The following UNC13C variants were observed in gnomAD, a reference collection of about 807,000 sequenced individuals.
UNC13C encodes the protein protein unc-13 homolog C.
A neutral mutation model predicts 245.4 loss-of-function variants in UNC13C; 174 were observed. That is an observed-to-expected ratio of 0.71 (90% confidence interval 0.63 to 0.80). The LOEUF (loss-of-function observed/expected upper bound fraction) is 0.80. Among genes scored for constraint, UNC13C ranks in the 30% least tolerant of loss-of-function variants. UNC13C has a pLI of 0.00. For missense variants in UNC13C, 2,829 were observed against 2,602.9 expected (o/e 1.09, Z -1.89); for synonymous variants, 992 against 895.1 (o/e 1.11, Z -1.93).
At chr15:53,926,233 C>T in the UNC13C span, among the ~76,000 whole-genome samples, 1 of 151,708 alleles carries the variant, frequency 6.6e-6, no homozygotes, top group African/African-American at 2.4e-5. Context: ...ACAAAATAGT[C>T]ATCTTCAAGG....
chr15:54,211,405 T>C (rs539757677), intron 4 of UNC13C, among the ~76,000 whole-genome samples: 107 of 152,236 alleles, frequency 7.0e-4, no homozygotes, highest in Middle Eastern at 3.4e-3. Flanking sequence ...AGTTGTGTGC[T>C]GGTAAATGTT....
intron 24 of UNC13C, among the ~76,000 whole-genome samples, chr15:54,521,652 A>G (rs1566885830): frequency 6.6e-6 from 1 of 152,342 alleles, no homozygotes; most frequent in Non-Finnish European, 1.5e-5. Context: ...ATTCTTCTGA[A>G]CCAAACAAAT....
intron 24 of UNC13C, 72 bp downstream of exon 24, chr15:54,511,902 A>G (rs892111961): frequency 1.8e-6 from 2 of 1,107,490 alleles, no homozygotes; most frequent in East Asian, 2.6e-5. Flanking sequence ...TCTTGCTATG[A>G]AAGTGTCTTA....
chr15:54,370,816 T>A (rs567422), intron 17 of UNC13C, among the ~76,000 whole-genome samples: 151,804 of 152,206 alleles, frequency 1, 75,716 homozygotes, highest in Middle Eastern at 1. Context: ...AGCTATTTTT[T>A]AAAATCTCAA....
At chr15:54,297,600 C>T (rs2037470057) in intron 11 of UNC13C, among the ~76,000 whole-genome samples, 3 of 152,196 alleles carry the variant, frequency 2.0e-5, no homozygotes, top group African/African-American at 7.2e-5. Context: ...GTGGTCCTCC[C>T]ACCTTGGCTT....
chr15:54,611,843 T>C (rs907054299), intron 30 of UNC13C, among the ~76,000 whole-genome samples: 3 of 152,150 alleles, frequency 2.0e-5, no homozygotes, highest in Non-Finnish European at 4.4e-5. Flanking sequence ...GCTTGTGTTA[T>C]ATTTTTTGTA....
intron 20 of UNC13C, among the ~76,000 whole-genome samples, chr15:54,499,697 G>C (rs1894111897): frequency 6.6e-6 from 1 of 152,130 alleles, no homozygotes; most frequent in Admixed American, 6.6e-5. Context: ...CCCACGATCG[G>C]TTACAGATTA....
intron 18 of UNC13C, among the ~76,000 whole-genome samples, chr15:54,409,924 A>AT (rs1416351720): frequency 2.6e-5 from 4 of 152,130 alleles, no homozygotes; most frequent in Middle Eastern, 3.2e-3. Context: ...TGGTAGTTGT[A>AT]TTTTACGTTC....
At chr15:54,617,965 C>G (rs140927264) in intron 30 of UNC13C, among the ~76,000 whole-genome samples, 1,536 of 152,124 alleles carry the variant, frequency 0.01, 20 homozygotes, top group African/African-American at 0.034. Flanking sequence ...TTGTCAGAAA[C>G]CTAAGCAATT....
chr15:54,047,956 C>T (rs560055859), intron 2 of UNC13C, among the ~76,000 whole-genome samples: 13 of 152,038 alleles, frequency 8.6e-5, no homozygotes, highest in African/African-American at 2.6e-4. Context: ...GTAAGTATAC[C>T]GTAATATTTT....
chr15:54,321,031 A>C, intron 13 of UNC13C: 2 of 458,272 alleles, frequency 4.4e-6, no homozygotes, highest in Non-Finnish European at 8.5e-6. Flanking sequence ...CGTTTCCTCC[A>C]TGACCAAAGT....
chr15:54,429,304 G>T (rs888301354), intron 19 of UNC13C, among the ~76,000 whole-genome samples: 5 of 151,792 alleles, frequency 3.3e-5, no homozygotes, highest in Non-Finnish European at 5.9e-5. Flanking sequence ...TATTGTGATT[G>T]AAAGAGCAAT....
intron 24 of UNC13C, among the ~76,000 whole-genome samples, chr15:54,515,606 G>A (rs1894936507): frequency 6.6e-6 from 1 of 152,122 alleles, no homozygotes; most frequent in South Asian, 2.1e-4. Flanking sequence ...TAAAGAACTT[G>A]TGTTATGATC....
chr15:54,294,318 T>C (rs2037376262), intron 11 of UNC13C, among the ~76,000 whole-genome samples: 1 of 152,136 alleles, frequency 6.6e-6, no homozygotes, highest in South Asian at 2.1e-4. Flanking sequence ...AGAAAAATGT[T>C]ATTGCATTCT....
At chr15:54,573,349 C>G (rs903794428) in intron 30 of UNC13C, among the ~76,000 whole-genome samples, 3 of 152,064 alleles carry the variant, frequency 2.0e-5, no homozygotes, top group Non-Finnish European at 2.9e-5. Flanking sequence ...AATTTATGAG[C>G]CAAATAATTC....
chr15:54,153,979 TG>T (rs752222442), intron 4 of UNC13C, among the ~76,000 whole-genome samples: 4 of 152,066 alleles, frequency 2.6e-5, no homozygotes, highest in Non-Finnish European at 5.9e-5. Flanking sequence ...TCATATAACA[TG>T]TAATAATTAA....
chr15:53,976,475 C>T (rs866311221), upstream of UNC13C, among the ~76,000 whole-genome samples: 1,703 of 63,676 alleles, frequency 0.027, 36 homozygotes, highest in Admixed American at 0.037. Context: ...CTCTCTCTCT[C>T]TCTTTTTTTT....
intron 2 of UNC13C, among the ~76,000 whole-genome samples, chr15:54,067,627 T>C (rs1379230208): frequency 2.6e-5 from 4 of 152,220 alleles, no homozygotes; most frequent in Non-Finnish European, 4.4e-5. Flanking sequence ...GATAGATATA[T>C]ATTTATGAGT....
intron 2 of UNC13C, among the ~76,000 whole-genome samples, chr15:54,038,780 A>G (rs1896695507): frequency 6.6e-6 from 1 of 152,248 alleles, no homozygotes; most frequent in Non-Finnish European, 1.5e-5. Context: ...TTTAGAATCC[A>G]AAGACTCCTA....
Sources: allele counts gnomAD v4.1 joint callset (sites outside exome capture counted in the v4.1 genomes callset), GRCh38; gene constraint gnomAD v4.1.1; transcripts MANE v1.5; gene names NCBI Gene and HGNC (gene_info 2026-07-23, HGNC 2026-07-21).